WDR47: variants seen among roughly 807,000 people sequenced by gnomAD.
WDR47 encodes the protein WD repeat-containing protein 47.
A neutral mutation model predicts 97.2 loss-of-function variants in WDR47; 32 were observed. The ratio of observed to expected loss-of-function variants is 0.33; its 90% CI spans 0.25 to 0.44. The LOEUF (loss-of-function observed/expected upper bound fraction) is 0.44, where lower values mean the gene tolerates loss of function less well. WDR47 is among the 20% of genes least tolerant of loss of function. The pLI is 1.00. For synonymous variants in WDR47, 375 were observed against 373.5 expected, an observed-to-expected ratio of 1.00 and a Z score of -0.05; for missense variants, 782 against 1,102.3, an observed-to-expected ratio of 0.71 and a Z score of 4.11.
rs1216596954 is a variant in WDR47, at chr1:109,032,254, G to C, written c.-9-8733C>G. ...TGGCCAGGCGCAGTGGCTCATGCCT[G>C]TAATCCCAGCACTTTGGGAGGCGGA... On this transcript the variant is annotated intron_variant, in intron 1 of 14. Transcript: ENST00000369962. Among the ~76,000 whole-genome samples, 3 of 139,414 alleles carry C rather than the reference G, an allele frequency of 2.2e-5. 1 individual carries two copies. The highest frequency in any genetic ancestry group is 7.7e-5 in the African/African-American group (3 of 38,842). 91.5% of individuals were successfully genotyped at this position (139,414 alleles called of 152,430 possible).
intron 1 of WDR47, among the ~76,000 whole-genome samples, chr1:109,033,000 A>G (rs963806902): frequency 6.6e-6 from 1 of 152,034 alleles, no homozygotes; most frequent in African/African-American, 2.4e-5. Flanking sequence ...AAACACACAT[A>G]AAGAGTTAAA....
intron 5 of WDR47, among the ~76,000 whole-genome samples, chr1:109,010,016 C>CA (rs1227490167): frequency 1.3e-5 from 2 of 151,072 alleles, no homozygotes; most frequent in Non-Finnish European, 3.0e-5. Context: ...AACAAAAAAA[C>CA]AAAAAAACAT....
chr1:109,019,332 G>A (rs1557953503), intron 2 of WDR47, among the ~76,000 whole-genome samples: 1 of 142,578 alleles, frequency 7.0e-6, no homozygotes, highest in Non-Finnish European at 1.5e-5. Flanking sequence ...ACAGTGAGCC[G>A]AAGTCACGCC....
chr1:109,016,264 G>A (rs748980655), intron 3 of WDR47, among the ~76,000 whole-genome samples: 6 of 151,874 alleles, frequency 4.0e-5, no homozygotes, highest in East Asian at 3.9e-4. Flanking sequence ...TTAGCCTAGC[G>A]GGGTGGCACA....
chr1:109,002,551 G>C lies in WDR47; in HGVS notation c.1255-149C>G, dbSNP rs140896879. Reference sequence around the variant, plus strand: ...TTAATCTATTGCTCTTTGAAAAACAGTATGTGTCTTAATACTCAAGTGGAT... The same window carrying C: ...TTAATCTATTGCTCTTTGAAAAACACTATGTGTCTTAATACTCAAGTGGAT... On this transcript the variant is annotated intron_variant, in intron 6 of 14. Coordinates refer to ENST00000369962, the MANE Select transcript of WDR47 (RefSeq NM_001142551.2). 187 of 698,166 alleles carry C rather than the reference G, an allele frequency of 2.7e-4. 1 individual carries two copies. The East Asian group carries it at 5.2e-3, about 20-fold the overall frequency. The allele number at this position is 698,166 out of a possible 1,614,324, so 43.2% of individuals were successfully genotyped here. A position where few individuals can be genotyped will look rare whatever the true frequency, so the allele number is the denominator to read the frequency against.
chr1:109,029,323 G>A (rs1557962830), intron 1 of WDR47, among the ~76,000 whole-genome samples: 1 of 151,928 alleles, frequency 6.6e-6, no homozygotes, highest in Non-Finnish European at 1.5e-5. Flanking sequence ...AGGAGTTCAA[G>A]ACCAGCCTGG....
At chr1:109,013,490 GAC>G (rs1401248523) in intron 4 of WDR47, among the ~76,000 whole-genome samples, 1 of 150,278 alleles carries the variant, frequency 6.7e-6, no homozygotes, top group African/African-American at 2.4e-5. Context: ...ATACAGAAAA[GAC>G]AGAGAAAAAG....
At chr1:108,986,117 T>C (rs950486248) in intron 10 of WDR47, among the ~76,000 whole-genome samples, 15 of 152,048 alleles carry the variant, frequency 9.9e-5, no homozygotes, top group Non-Finnish European at 1.6e-4. Context: ...TAGGTGTGTA[T>C]GAATAGGAAA....
chr1:109,040,751 CT>C lies in WDR47; in HGVS notation c.-10+1110del, dbSNP rs1172767804. Among the ~76,000 whole-genome samples the C allele has an allele frequency of 1.1e-4, 16 of 152,128 alleles. 1 individual carries two copies. In the South Asian group the frequency reaches 2.7e-3, roughly 26 times the overall value. On this transcript the variant is annotated intron_variant, in intron 1 of 14. Coordinates refer to ENST00000369962, the MANE Select transcript of WDR47 (RefSeq NM_001142551.2). ...TATGCCATATAAAGGAAAATGGGCT[CT>C]TAGGCGTTTCTCCTTCTTAGTAAAA...
At chr1:108,973,030 G>C (rs569922) in intron 14 of WDR47, among the ~76,000 whole-genome samples, 55,443 of 151,188 alleles carry the variant, frequency 0.37, 11,143 homozygotes, top group African/African-American at 0.52. Context: ...TAAGTTCCAG[G>C]CACATTGGCT....
At chr1:109,004,134 G>A (rs1376410072) in intron 6 of WDR47, among the ~76,000 whole-genome samples, 11 of 151,866 alleles carry the variant, frequency 7.2e-5, no homozygotes, top group East Asian at 1.9e-4. Flanking sequence ...GTGTGGTGGC[G>A]GGCGCCTGTG....
At position 108,995,613 on chromosome 1, in the gene WDR47, G is replaced by C; in HGVS notation, c.1658C>G (p.Pro553Arg). ...PRNPGSTNHI[P>R]FLEESPCGSQ... ...TCCACAAGGTGATTCCTCCAGAAAAGGTATGTGATTTGTTGATCCAGGATT... is the reference window on the plus strand; with the variant it reads ...TCCACAAGGTGATTCCTCCAGAAAACGTATGTGATTTGTTGATCCAGGATT... Residue 553 changes from proline (P) to arginine (R), a missense_variant, in exon 8 of 15, where the codon CCT (proline) becomes CGT (arginine). Physicochemically the swap from Pro to Arg is moderately radical, Grantham distance 103. Around this residue, in one of 3 missense-constraint regions of WDR47, gnomAD observed 126 missense variants for 121.3 expected, o/e 1.04. Transcript: ENST00000369962. 6.2e-7 allele frequency: 1 copy of C among 1,614,112 alleles called. No individual in the cohort carries two copies.
chr1:108,973,114 T>G (rs570814), intron 14 of WDR47, among the ~76,000 whole-genome samples: 55,411 of 151,612 alleles, frequency 0.37, 11,063 homozygotes, highest in African/African-American at 0.52. Context: ...CTTCTCCTAA[T>G]ATCCTGGCCT....
chr1:109,008,710 C>T (rs1204407512), intron 5 of WDR47, among the ~76,000 whole-genome samples: 1 of 152,016 alleles, frequency 6.6e-6, no homozygotes, highest in Admixed American at 6.6e-5. Context: ...CAGGTTCAAG[C>T]GATTCTCCTG....
chr1:108,995,117 C>T (rs1437210069), intron 8 of WDR47, among the ~76,000 whole-genome samples: 1 of 152,144 alleles, frequency 6.6e-6, no homozygotes, highest in Non-Finnish European at 1.5e-5. Flanking sequence ...AAAAATTTTC[C>T]CTGAATAGTG....
At chr1:108,989,049 G>A (rs776789442) in intron 9 of WDR47, among the ~76,000 whole-genome samples, 3 of 152,032 alleles carry the variant, frequency 2.0e-5, no homozygotes, top group Non-Finnish European at 2.9e-5. Flanking sequence ...GAGCCACCAC[G>A]CCTAGCCTCA....
rs201610690 is a variant in WDR47 at position 108,978,493 on chromosome 1, CAA to C, written c.2398+3238_2398+3239del. Among the ~76,000 whole-genome samples the C allele has an allele frequency of 5.2e-3, 481 of 92,586 alleles. 3 individuals are homozygous for C. The highest frequency in any genetic ancestry group is 0.014 in the African/African-American group (340 of 24,622). The allele number at this position is 92,586 out of a possible 152,430, so 60.7% of individuals were successfully genotyped here. Reference sequence around the variant, plus strand: ...ACAGAGCGAGACTCCGTCTCAAAAGCAAAAAAAAAAAAAAAGAATTTTATGAG... The same window carrying C: ...ACAGAGCGAGACTCCGTCTCAAAAGCAAAAAAAAAAAAAGAATTTTATGAG... On this transcript the variant is annotated intron_variant, in intron 13 of 14. Transcript: ENST00000369962.
At chr1:108,995,858 A>G in intron 7 of WDR47, 21 bp from the exon 8 acceptor site, 1 of 1,603,970 alleles carries the variant, frequency 6.2e-7, no homozygotes, top group Non-Finnish European at 8.5e-7. Context: ...AAACAATGTA[A>G]TCATTTTAAA....
chr1:109,027,484 C>T (rs776607302), intron 1 of WDR47, among the ~76,000 whole-genome samples: 17 of 152,132 alleles, frequency 1.1e-4, no homozygotes, highest in Non-Finnish European at 2.4e-4. Context: ...AACATTTATA[C>T]AGGCTCCCAA....
Sources: allele counts gnomAD v4.1 joint callset (sites outside exome capture counted in the v4.1 genomes callset), GRCh38; gene constraint gnomAD v4.1.1; regional missense constraint gnomAD v4.1.1; transcripts MANE v1.5; gene names NCBI Gene and HGNC (gene_info 2026-07-23, HGNC 2026-07-21).